The following RGL1 variants were observed in gnomAD, a reference collection of about 807,000 sequenced individuals.
The protein encoded by RGL1 is ral guanine nucleotide dissociation stimulator-like 1.
A neutral mutation model predicts 95.2 loss-of-function variants in RGL1; 24 were observed. That is an observed-to-expected ratio of 0.25 (90% CI 0.18 to 0.35). The LOEUF (loss-of-function observed/expected upper bound fraction) is 0.35, where lower values mean the gene tolerates loss of function less well. Among genes scored for constraint, RGL1 ranks in the 10% least tolerant of loss-of-function variants. RGL1 has a pLI of 1.00. For synonymous variants in RGL1, 329 were observed against 344.9 expected (o/e 0.95, Z 0.51); for missense variants, 715 against 936.3 (o/e 0.76, Z 3.08).
At chr1:183,836,195 G>A (rs1663637862) in intron 2 of RGL1, among the ~76,000 whole-genome samples, 1 of 151,994 alleles carries the variant, frequency 6.6e-6, no homozygotes, top group East Asian at 1.9e-4. Context: ...TAGAATTAAT[G>A]TATAGCTTAT....
intron 2 of RGL1, among the ~76,000 whole-genome samples, chr1:183,770,599 G>C (rs1029007113): frequency 6.6e-6 from 1 of 152,164 alleles, no homozygotes; most frequent in Admixed American, 6.5e-5. Flanking sequence ...AAAATTAGGG[G>C]TTTATGTGGC....
intron 1 of RGL1, among the ~76,000 whole-genome samples, chr1:183,672,117 G>A (rs1652506194): frequency 6.6e-6 from 1 of 151,970 alleles, no homozygotes; most frequent in Admixed American, 6.6e-5. Context: ...ATTTTTAGTA[G>A]AGATGGGGTT....
In RGL1 at chr1:183,666,005, CTTTTTTT is replaced by C. The variant is rs746295660; in HGVS notation, c.-33+29515_-33+29521del. On this transcript the variant is annotated intron_variant, in intron 1 of 18. Transcript: ENST00000304685. ...GATTGACTGAAGGTCTTCTTTTTTT[CTTTTTTT>C]TTTTTTTTTTGAGATGGAGTTTCGC... is the stretch of plus-strand genomic sequence containing the variant. Among the ~76,000 whole-genome samples, 7 of 130,710 alleles carry C rather than the reference CTTTTTTT, an allele frequency of 5.4e-5. No homozygotes were observed. The South Asian group carries it at 7.4e-4, about 14-fold the overall frequency. The allele number at this position is 130,710 out of a possible 152,430, so 85.8% of individuals were successfully genotyped here. A position where few individuals can be genotyped will look rare whatever the true frequency, so the allele number is the denominator to read the frequency against.
At chr1:183,834,433 G>C (rs562685944) in intron 2 of RGL1, among the ~76,000 whole-genome samples, 1 of 152,086 alleles carries the variant, frequency 6.6e-6, no homozygotes, top group South Asian at 2.1e-4. Context: ...CTAAGGTTGC[G>C]AGAGGCCTTA....
Position 183,675,334 on chromosome 1 carries a change from A to ATCCTTCCT in RGL1, c.-33+38849_-33+38856dup, listed in dbSNP as rs747929137. 7.6e-5 allele frequency among the ~76,000 whole-genome samples: 11 copies of ATCCTTCCT among 144,000 alleles called. No individual in the cohort carries two copies. In the East Asian group the frequency reaches 2.2e-3, roughly 29 times the overall value. The allele number at this position is 144,000 out of a possible 152,430, so 94.5% of individuals were successfully genotyped here. On this transcript the variant is annotated intron_variant, in intron 1 of 18. Coordinates refer to the RGL1 transcript ENST00000304685. Reference sequence around the variant, plus strand: ...TTGTTTTCTTTTCTTCTTTCCCTCTATCCTTCCTTCCTTCCTTCCTTCCAT... The same window carrying ATCCTTCCT: ...TTGTTTTCTTTTCTTCTTTCCCTCTATCCTTCCTTCCTTCCTTCCTTCCTTCCTTCCAT...
At chr1:183,720,588 T>A (rs1655965081) in intron 1 of RGL1, among the ~76,000 whole-genome samples, 1 of 152,262 alleles carries the variant, frequency 6.6e-6, no homozygotes, top group African/African-American at 2.4e-5. Context: ...TACTGACTTG[T>A]CAATATTACA....
chr1:183,637,858 A>G (rs1649656670), intron 1 of RGL1, among the ~76,000 whole-genome samples: 1 of 152,170 alleles, frequency 6.6e-6, no homozygotes, highest in Non-Finnish European at 1.5e-5. Context: ...GTATAAAATC[A>G]TTACTATGGT....
intron 1 of RGL1, among the ~76,000 whole-genome samples, chr1:183,702,725 T>C (rs1414894087): frequency 1.3e-5 from 2 of 152,192 alleles, no homozygotes; most frequent in African/African-American, 4.8e-5. Flanking sequence ...CTGGACCAAC[T>C]GACAGGGGAT....
intron 2 of RGL1, among the ~76,000 whole-genome samples, chr1:183,775,406 G>A (rs1659540710): frequency 6.6e-6 from 1 of 152,162 alleles, no homozygotes; most frequent in Admixed American, 6.5e-5. Flanking sequence ...ACACTTATGA[G>A]ATAGTAGCAC....
At chr1:183,732,966 A>T (rs962985198) in intron 1 of RGL1, among the ~76,000 whole-genome samples, 1 of 152,132 alleles carries the variant, frequency 6.6e-6, no homozygotes. Flanking sequence ...CTTTTGGTTC[A>T]CTCTAAAATA....
At chr1:183,639,788 G>A (rs758225755) in intron 1 of RGL1, among the ~76,000 whole-genome samples, 1 of 151,428 alleles carries the variant, frequency 6.6e-6, no homozygotes, top group Non-Finnish European at 1.5e-5. Flanking sequence ...GAGATGCACA[G>A]CTGTGGCAAG....
At chr1:183,778,384 G>T (rs1231515318) in intron 2 of RGL1, among the ~76,000 whole-genome samples, 1 of 152,188 alleles carries the variant, frequency 6.6e-6, no homozygotes, top group African/African-American at 2.4e-5. Flanking sequence ...AACATAAACA[G>T]GAGAGGGAAG....
chr1:183,747,802 T>C (rs989673524), intron 2 of RGL1, among the ~76,000 whole-genome samples: 8 of 152,206 alleles, frequency 5.3e-5, no homozygotes, highest in African/African-American at 1.9e-4. Flanking sequence ...TTTCTTTTTT[T>C]GTTGTGTCTC....
At position 183,884,946 on chromosome 1, in the gene RGL1, T is replaced by G. The variant is rs775874724; in HGVS notation, c.951+8T>G. 2.0e-5 allele frequency: 33 copies of G among 1,610,174 alleles called. No individual in the cohort carries two copies. The South Asian group carries it at 3.3e-4, about 16-fold the overall frequency. ...TGGATCAACATCGCTCATGTAATTGTCTTTTATAAAATATTCTTTGTGTTT... is the reference window on the plus strand; with the variant it reads ...TGGATCAACATCGCTCATGTAATTGGCTTTTATAAAATATTCTTTGTGTTT... On this transcript the variant is annotated splice_region_variant and intron_variant, in intron 7 of 17. Coordinates refer to ENST00000360851, the MANE Select transcript of RGL1 (RefSeq NM_001297671.3).
chr1:183,877,298 T>G (rs962020582), intron 4 of RGL1, among the ~76,000 whole-genome samples: 2 of 152,222 alleles, frequency 1.3e-5, no homozygotes, highest in Non-Finnish European at 2.9e-5. Context: ...CTGTTCTGGT[T>G]AATATATAAG....
intron 2 of RGL1, among the ~76,000 whole-genome samples, chr1:183,799,630 T>C (rs553753124): frequency 6.6e-6 from 1 of 152,356 alleles, no homozygotes; most frequent in Admixed American, 6.5e-5. Context: ...TCAAGTCCCC[T>C]GTCTCATTTT....
intron 1 of RGL1, among the ~76,000 whole-genome samples, chr1:183,720,969 C>T (rs554543961): frequency 1.5e-4 from 23 of 152,120 alleles, no homozygotes; most frequent in African/African-American, 5.1e-4. Context: ...GAACACTGGA[C>T]GAGGATCAAG....
rs1664908060 is a variant in RGL1, at chr1:183,852,819, T to A, written c.347+5045T>A. Among the ~76,000 whole-genome samples, 4 of 151,760 alleles carry A rather than the reference T, an allele frequency of 2.6e-5. No homozygotes were observed. In the South Asian group the frequency reaches 8.4e-4, roughly 32 times the overall value. The stretch of plus-strand genomic sequence containing the variant: ...CTTGGTCTCAAAAAAAATCATCTGT[T>A]CTCTCCACCATACCATTTTAAACAT... On this transcript the variant is annotated intron_variant, in intron 3 of 17. Transcript: ENST00000360851.
At chr1:183,745,848 T>A (rs1657592326) in intron 2 of RGL1, among the ~76,000 whole-genome samples, 1 of 152,164 alleles carries the variant, frequency 6.6e-6, no homozygotes, top group African/African-American at 2.4e-5. Context: ...TCAGTAAATT[T>A]GTTGACTGAT....
Sources: gnomAD v4.1 joint callset for allele counts (sites outside exome capture counted in the v4.1 genomes callset) on GRCh38, gnomAD v4.1.1 for gene constraint, MANE v1.5 for transcripts, NCBI Gene and HGNC (gene_info 2026-07-23, HGNC 2026-07-21) for gene names.